Variants in ECPAS observed in about 807,000 individuals in gnomAD.
ECPAS encodes Ecm29 proteasome adaptor and scaffold, also known as proteasome adapter and scaffold protein ECM29.
Under a neutral mutation model 255.1 loss-of-function variants are expected in ECPAS, and 70 were observed. That is an observed-to-expected ratio of 0.27 (90% CI 0.23 to 0.33). ECPAS has a LOEUF of 0.33. Ranked by LOEUF, ECPAS falls within the 10% of genes least tolerant of loss-of-function variation. ECPAS has a pLI of 1.00. For missense variants in ECPAS, 1,817 were observed against 2,206.4 expected, an observed-to-expected ratio of 0.82 and a Z score of 3.54; for synonymous variants, 784 against 775.0, an observed-to-expected ratio of 1.01 and a Z score of -0.19.
intron 35 of ECPAS, among the ~76,000 whole-genome samples, chr9:111,379,363 T>C (rs535914626): frequency 3.3e-5 from 5 of 152,364 alleles, no homozygotes; most frequent in African/African-American, 9.6e-5. Flanking sequence ...AAGTGTGCAA[T>C]AGCATTATGT....
intron 6 of ECPAS, among the ~76,000 whole-genome samples, chr9:111,438,422 T>C (rs1589198281): frequency 6.6e-6 from 1 of 151,928 alleles, no homozygotes; most frequent in East Asian, 1.9e-4. Context: ...GTCCAGGAGT[T>C]TGGTGACCCC....
chr9:111,404,705 T>C (rs943203551), intron 24 of ECPAS, among the ~76,000 whole-genome samples: 1 of 148,870 alleles, frequency 6.7e-6, no homozygotes, highest in African/African-American at 2.6e-5. Context: ...ATTAAACCTG[T>C]TTTCTTTATA....
chr9:111,434,799 T>G (rs1487924252), intron 7 of ECPAS, among the ~76,000 whole-genome samples: 1 of 151,798 alleles, frequency 6.6e-6, no homozygotes, highest in Non-Finnish European at 1.5e-5. Context: ...GGTTTTGCCA[T>G]GTTGGTCAGG....
At chr9:111,436,298 T>A (rs973930954) in intron 7 of ECPAS, among the ~76,000 whole-genome samples, 6 of 152,316 alleles carry the variant, frequency 3.9e-5, no homozygotes, top group Middle Eastern at 6.8e-3. Context: ...TACATACTGA[T>A]CTCATCTGTT....
At chr9:111,409,979 T>TTGCTCATGTATGC (rs1285326961) in intron 23 of ECPAS, 62 bp downstream of exon 23, 2 of 1,201,064 alleles carry the variant, frequency 1.7e-6, no homozygotes, top group African/African-American at 3.1e-5. Flanking sequence ...TAATCTGTTT[T>TTGCTCATGTATGC]TGCTCATGTA....
chr9:111,434,200 C>A (rs1040859880), intron 7 of ECPAS, among the ~76,000 whole-genome samples: 18 of 152,096 alleles, frequency 1.2e-4, no homozygotes, highest in African/African-American at 4.3e-4. Flanking sequence ...AAAGGGCCTG[C>A]CTTCCCTCCC....
intron 3 of ECPAS, among the ~76,000 whole-genome samples, chr9:111,446,343 T>C (rs537900885): frequency 2.0e-5 from 3 of 152,290 alleles, no homozygotes; most frequent in African/African-American, 7.2e-5. Context: ...AAATCGAGCA[T>C]TGAGAAATAA....
chr9:111,427,995 C>CTTT, intron 10 of ECPAS, 47 bp downstream of exon 10: 1 of 1,572,136 alleles, frequency 6.4e-7, no homozygotes, highest in Non-Finnish European at 8.7e-7. Flanking sequence ...ATTAAATAGA[C>CTTT]ATAAAAGTTG....
At chr9:111,455,974 C>T (rs1390578741) in intron 2 of ECPAS, among the ~76,000 whole-genome samples, 1 of 152,092 alleles carries the variant, frequency 6.6e-6, no homozygotes, top group East Asian at 1.9e-4. Flanking sequence ...AAGCTAGGGG[C>T]GAACTGGGAG....
chr9:111,467,327 A>G (rs2098280843), intron 2 of ECPAS, among the ~76,000 whole-genome samples: 1 of 152,192 alleles, frequency 6.6e-6, no homozygotes, highest in Non-Finnish European at 1.5e-5. Context: ...TTAAAATTAT[A>G]CAAGAAAAGT....
chr9:111,479,445 T>C (rs1159255822), intron 1 of ECPAS, among the ~76,000 whole-genome samples: 2 of 150,574 alleles, frequency 1.3e-5, no homozygotes, highest in African/African-American at 4.9e-5. Context: ...AAAAAAAAAT[T>C]AGCCGGGCAT....
rs781035426 is a variant in ECPAS at position 111,373,227 on chromosome 9, C to A, written c.4279G>T (p.Asp1427Tyr). 5 of 1,613,626 alleles carry A rather than the reference C, an allele frequency of 3.1e-6. No homozygotes were observed. The highest frequency in any genetic ancestry group is 4.2e-6 in the Non-Finnish European group (5 of 1,179,736). Residue 1427 changes from aspartate to tyrosine, a missense_variant, in exon 41 of 50, where the codon GAT becomes TAT. Asp to Tyr is a radical substitution (Grantham distance 160, BLOSUM62 -3). Around this residue, in one of 4 missense-constraint regions of ECPAS, gnomAD observed 960 missense variants for 1,179.0 expected, o/e 0.81. Coordinates refer to ENST00000684092, the MANE Select transcript of ECPAS (RefSeq NM_001364929.1). Reference protein sequence around the residue: ...AMGHLVRTSRDSSTEKLLQKL... With the variant: ...AMGHLVRTSRYSSTEKLLQKL... ...TGCAGGAGTTTTTCAGTGCTGCTAT[C>A]CCGTGAGGTCTGAAAAAGAAACAAT... is the stretch of plus-strand genomic sequence containing the variant.
Position 111,410,156 on chromosome 9 carries a change from C to A in ECPAS, c.2435G>T (p.Gly812Val). The change falls in exon 23 of 50, where the codon GGT (glycine) becomes GTT (valine). Residue 812 changes from glycine to valine, a missense_variant. Coordinates refer to ENST00000684092, the MANE Select transcript of ECPAS (RefSeq NM_001364929.1). The stretch of plus-strand genomic sequence containing the variant: ...AAGTGGACCATTTCTGCCAATTTCA[C>A]CCAGGGCTGTGCAGGCAGCAATTGC... ...LLAIAACTALGEIGRNGPLPI... is the reference protein window; with the variant it reads ...LLAIAACTALVEIGRNGPLPI... 1 of 1,613,064 alleles carries A rather than the reference C, an allele frequency of 6.2e-7. No homozygotes were observed. The highest frequency in any genetic ancestry group is 8.5e-7 in the Non-Finnish European group (1 of 1,179,568).
intron 2 of ECPAS, among the ~76,000 whole-genome samples, chr9:111,460,810 T>C (rs1389153438): frequency 6.6e-6 from 1 of 152,162 alleles, no homozygotes; most frequent in Non-Finnish European, 1.5e-5. Flanking sequence ...AGATACACCA[T>C]ATTCACAGAT....
intron 35 of ECPAS, among the ~76,000 whole-genome samples, chr9:111,382,683 A>G (rs2098142239): frequency 6.6e-6 from 1 of 152,224 alleles, no homozygotes; most frequent in Non-Finnish European, 1.5e-5. Context: ...AGTATTATTA[A>G]TAATTTGTTC....
chr9:111,394,023 ACCAT>A, intron 26 of ECPAS, 133 bp downstream of exon 26: 1 of 883,558 alleles, frequency 1.1e-6, no homozygotes. Flanking sequence ...ACATCAGGCC[ACCAT>A]CCTTCATTCC....
At chr9:111,396,970 T>C in intron 25 of ECPAS, 60 bp downstream of exon 25, 1 of 1,605,214 alleles carries the variant, frequency 6.2e-7, no homozygotes, top group Non-Finnish European at 8.5e-7. Context: ...TCAAATGTGA[T>C]AAAGAGAACA....
chr9:111,454,956 A>G (rs2098265062), intron 2 of ECPAS, among the ~76,000 whole-genome samples: 1 of 151,910 alleles, frequency 6.6e-6, no homozygotes, highest in Non-Finnish European at 1.5e-5. Context: ...GCTGGTCTTG[A>G]ATTCCTGGCC....
chr9:111,446,546 T>C (rs1441422223), intron 3 of ECPAS, among the ~76,000 whole-genome samples: 1 of 152,170 alleles, frequency 6.6e-6, no homozygotes, highest in Non-Finnish European at 1.5e-5. Flanking sequence ...ATGAAATAGG[T>C]GAATTATGTT....
Sources: gnomAD v4.1 joint callset for allele counts (sites outside exome capture counted in the v4.1 genomes callset) on GRCh38, gnomAD v4.1.1 for gene constraint, gnomAD v4.1.1 regional missense constraint, MANE v1.5 for transcripts, NCBI Gene and HGNC (gene_info 2026-07-23, HGNC 2026-07-21) for gene names.